RGS14: variants seen among roughly 807,000 people sequenced by gnomAD.
RGS14 encodes regulator of G protein signaling 14.
Under a neutral mutation model 63.8 loss-of-function variants are expected in RGS14, and 33 were observed. The ratio of observed to expected loss-of-function variants is 0.52; its 90% confidence interval spans 0.39 to 0.69. RGS14 has a LOEUF of 0.69. Ranked by LOEUF, RGS14 falls within the 30% of genes least tolerant of loss-of-function variation. The pLI, the probability that RGS14 is intolerant of heterozygous loss-of-function variation, is 0.00. For missense variants in RGS14, 739 were observed against 742.9 expected, an observed-to-expected ratio of 0.99 and a Z score of 0.06; for synonymous variants, 296 against 320.9, an observed-to-expected ratio of 0.92 and a Z score of 0.83.
In RGS14 at chr5:177,372,018, A is replaced by G. The variant is rs1163392426; in HGVS notation, c.1644A>G (p.Lys548=). 2 of 1,614,086 alleles carry G rather than the reference A, an allele frequency of 1.2e-6. No homozygotes were observed. Among genetic ancestry groups the G allele is most frequent in the East Asian group, 4.5e-5 (2 of 44,868 alleles). ...PSSEETPPQT[K]SAAQPIGGSL... ...CCGAGGAGACCCCACCACAGACCAA[A>G]TCAGCAGCCCAGCCCATCGGGGGAT... Residue 548 remains lysine (K), a synonymous_variant, in exon 15 of 15, where the codon AAA becomes AAG. Transcript: ENST00000408923.
rs1019786961 is a variant in RGS14 at position 177,358,607 on chromosome 5, G to A, written c.45+538G>A. ...AGCAGGGTCAGACTAGGTTGATGCAGCTTCTGCCTGTTCTATTCCTGAGCT... is the reference window on the plus strand; with the variant it reads ...AGCAGGGTCAGACTAGGTTGATGCAACTTCTGCCTGTTCTATTCCTGAGCT... On this transcript the variant is annotated intron_variant, in intron 1 of 14. Coordinates refer to ENST00000408923, the MANE Select transcript of RGS14 (RefSeq NM_006480.5). The surrounding 1 kb of genome is among the most constrained non-coding windows in gnomAD (Gnocchi z 4.8). Among the ~76,000 whole-genome samples, 2 of 152,222 alleles carry A rather than the reference G, an allele frequency of 1.3e-5. No individual in the cohort carries two copies. Among genetic ancestry groups the A allele is most frequent in the Non-Finnish European group, 2.9e-5 (2 of 68,034 alleles).
chr5:177,358,649 C>T lies in RGS14; in HGVS notation c.45+580C>T, dbSNP rs927658336. Among the ~76,000 whole-genome samples the T allele has an allele frequency of 1.3e-5, 2 of 152,220 alleles. No homozygotes were observed. The highest frequency in any genetic ancestry group is 2.9e-5 in the Non-Finnish European group (2 of 68,028). ...TCCTGAGCTTCCAGGAAGGGCTGAG[C>T]ACTAAGATCCCCCTGGCTGCAGCTG... On this transcript the variant is annotated intron_variant, in intron 1 of 14. Transcript: ENST00000408923. The surrounding 1 kb of genome is among the most constrained non-coding windows in gnomAD (Gnocchi z 4.8).
At chr5:177,366,676 C>G in intron 3 of RGS14, 32 bp from the exon 4 acceptor site, 3 of 1,603,180 alleles carry the variant, frequency 1.9e-6, no homozygotes, top group Non-Finnish European at 2.6e-6. Flanking sequence ...GTCTCTGAGT[C>G]TCTGCCTGCC....
chr5:177,370,774 G>T, intron 10 of RGS14, 110 bp downstream of exon 10: 1 of 1,507,328 alleles, frequency 6.6e-7, no homozygotes, highest in Non-Finnish European at 9.0e-7. Context: ...CCCGCCCCTG[G>T]GACAAACCCC....
At chr5:177,368,536 G>A (rs949446968) in intron 8 of RGS14, among the ~76,000 whole-genome samples, 181 bp from the exon 9 acceptor site, 10 of 152,246 alleles carry the variant, frequency 6.6e-5, no homozygotes, top group South Asian at 2.1e-4. Flanking sequence ...GGGTGGACCC[G>A]TCTCTAGGTG....
chr5:177,370,864 G>T lies in RGS14; in HGVS notation c.1128-41G>T, dbSNP rs752882578. 15 of 1,555,464 alleles carry T rather than the reference G, an allele frequency of 9.6e-6. No homozygotes were observed. The East Asian group carries it at 2.5e-4, about 26-fold the overall frequency. On this transcript the variant is annotated intron_variant, in intron 10 of 14. Transcript: ENST00000408923. ...TGTCCTGGGAAGGGTTTGGCGGGGG[G>T]CCGGCCCTCCGGCCCTCTGCTGCCC...
intron 5 of RGS14, 34 bp downstream of exon 5, chr5:177,367,068 G>C (rs1457827428): frequency 1.9e-6 from 3 of 1,580,150 alleles, no homozygotes; most frequent in South Asian, 2.3e-5. Flanking sequence ...CCTTGAAAGG[G>C]AGACAAAAGG....
chr5:177,361,570 G>A (rs1422913043), intron 1 of RGS14, among the ~76,000 whole-genome samples: 2 of 152,118 alleles, frequency 1.3e-5, no homozygotes, highest in African/African-American at 2.4e-5. Context: ...TCTCAGTTCT[G>A]CCACATCTCA....
Position 177,368,722 on chromosome 5 carries a change from C to T in RGS14, c.855C>T (p.His285=). 1 of 1,614,044 alleles carries T rather than the reference C, an allele frequency of 6.2e-7. No individual in the cohort carries two copies. The highest frequency in any genetic ancestry group is 8.5e-7 in the Non-Finnish European group (1 of 1,179,952). Reference sequence around the variant, plus strand: ...CCACTCCTGCCATGAATCAGAGCCACCGGAAGAGCCTTGGGAGCACGGAGG... The same window carrying T: ...CCACTCCTGCCATGAATCAGAGCCATCGGAAGAGCCTTGGGAGCACGGAGG... ...LAFVSSKSES[H]RKSLGSTEGE... is the part of the protein sequence containing the mutation. The change falls in exon 9 of 15, where the codon CAC becomes CAT. Residue 285 remains histidine, a synonymous_variant. Coordinates refer to ENST00000408923, the MANE Select transcript of RGS14 (RefSeq NM_006480.5).
In RGS14 at chr5:177,367,436, A is replaced by G; in HGVS notation, c.506A>G (p.Asp169Gly). Residue 169 changes from aspartate to glycine, a missense_variant, in exon 6 of 15, where the codon GAC becomes GGC. Physicochemically the swap from Asp to Gly is moderately conservative, Grantham distance 94. Transcript: ENST00000408923. ...QLQIFNLMKF[D>G]SYARFVKSPL... ...CAGATCTTCAACTTGATGAAGTTCG[A>G]CAGCTATGCGCGCTTCGTCAAGTCC... is the stretch of plus-strand genomic sequence containing the variant. The G allele has an allele frequency of 6.2e-7, 1 of 1,609,400 alleles. No individual in the cohort carries two copies. Among genetic ancestry groups the G allele is most frequent in the Non-Finnish European group, 8.5e-7 (1 of 1,177,386 alleles).
At chr5:177,360,590 A>AT (rs1761941801) in intron 1 of RGS14, among the ~76,000 whole-genome samples, 1 of 132,732 alleles carries the variant, frequency 7.5e-6, no homozygotes, top group Non-Finnish European at 1.6e-5. Flanking sequence ...AAAAAAAAAA[A>AT]GATGGAAGGA....
chr5:177,366,519 T>C, intron 3 of RGS14, 164 bp downstream of exon 3: 1 of 798,062 alleles, frequency 1.3e-6, no homozygotes, highest in Admixed American at 2.7e-5. Flanking sequence ...TCCTTCTCCC[T>C]GTCCTTGTCT....
rs1762282259 is a variant in RGS14, at chr5:177,371,925, G to C, written c.1551G>C (p.Arg517Ser). Residue 517 changes from arginine (R) to serine (S), a missense_variant, in exon 15 of 15, where the codon AGG becomes AGC. Transcript: ENST00000408923. The surrounding 1 kb of genome is among the most constrained non-coding windows in gnomAD (Gnocchi z 6.1). Reference protein sequence around the residue: ...RVQSSGAHDQRGLLRKEDLVL... With the variant: ...RVQSSGAHDQSGLLRKEDLVL... ...AGAGCAGCGGGGCCCACGACCAGAGGGGCCTTCTGAGGAAAGAGGACCTGG... is the reference window on the plus strand; with the variant it reads ...AGAGCAGCGGGGCCCACGACCAGAGCGGCCTTCTGAGGAAAGAGGACCTGG... 1 of 1,613,950 alleles carries C rather than the reference G, an allele frequency of 6.2e-7. No individual in the cohort carries two copies. The highest frequency in any genetic ancestry group is 8.5e-7 in the Non-Finnish European group (1 of 1,179,996).
rs1347819590 is a variant in RGS14, at chr5:177,371,119, G to A, written c.1255-46G>A. On this transcript the variant is annotated intron_variant, in intron 11 of 14. Coordinates refer to ENST00000408923, the MANE Select transcript of RGS14 (RefSeq NM_006480.5). The surrounding 1 kb of genome is among the most constrained non-coding windows in gnomAD (Gnocchi z 6.1). ...GGGCCGGGGCCGGGGCCGGGGCCGG[G>A]GCCGGGCGGAGGCCTGTACCGCGGG... The A allele has an allele frequency of 2.7e-6, 4 of 1,459,654 alleles. No homozygotes were observed. The highest frequency in any genetic ancestry group is 3.7e-6 in the Non-Finnish European group (4 of 1,091,670). 90.4% of individuals were successfully genotyped at this position (1,459,654 alleles called of 1,614,324 possible).
Position 177,371,639 on chromosome 5 carries a change from G to T in RGS14, c.1498+50G>T. On this transcript the variant is annotated intron_variant, in intron 14 of 14. Coordinates refer to ENST00000408923, the MANE Select transcript of RGS14 (RefSeq NM_006480.5). This position sits in a 1 kb window ranked among gnomAD's most constrained non-coding sequence, Gnocchi z 6.1. ...CAGAAAGACTAGGGCAGTGGGGTTGGGGACCATTCAGGGTGGCATCAGAGA... is the reference window on the plus strand; with the variant it reads ...CAGAAAGACTAGGGCAGTGGGGTTGTGGACCATTCAGGGTGGCATCAGAGA... 1 of 1,564,870 alleles carries T rather than the reference G, an allele frequency of 6.4e-7. No individual in the cohort carries two copies. The highest frequency in any genetic ancestry group is 8.8e-7 in the Non-Finnish European group (1 of 1,135,974).
Position 177,366,947 on chromosome 5 carries a change from C to T in RGS14, c.396C>T (p.Ser132=). 2 of 1,614,028 alleles carry T rather than the reference C, an allele frequency of 1.2e-6. No individual in the cohort carries two copies. Among genetic ancestry groups the T allele is most frequent in the Non-Finnish European group, 1.7e-6 (2 of 1,180,006 alleles). ...YQEFLSSQAL[S]PVNIDRQAWL... is the part of the protein sequence containing the mutation. ...AGTTCCTGTCCAGCCAGGCGCTGAG[C>T]CCAGTGAACATCGACCGTCAGGCCT... Residue 132 remains serine, a synonymous_variant, in exon 5 of 15, where the codon AGC becomes AGT. Transcript: ENST00000408923.
chr5:177,367,200 G>C, intron 5 of RGS14, 166 bp downstream of exon 5: 2 of 1,112,296 alleles, frequency 1.8e-6, no homozygotes, highest in Non-Finnish European at 2.5e-6. Context: ...GGCGGTATCA[G>C]AGGCACGGGG....
Position 177,366,914 on chromosome 5 carries a change from C to T in RGS14, c.363C>T (p.Ile121=), listed in dbSNP as rs762316004. Residue 121 remains isoleucine, a synonymous_variant, in exon 5 of 15, where the codon ATC becomes ATT. Transcript: ENST00000408923. ...TQQLAQEARN[I]YQEFLSSQAL... ...AGCTAGCTCAGGAGGCCCGCAACATCTACCAGGAGTTCCTGTCCAGCCAGG... is the reference window on the plus strand; with the variant it reads ...AGCTAGCTCAGGAGGCCCGCAACATTTACCAGGAGTTCCTGTCCAGCCAGG... The T allele has an allele frequency of 8.1e-6, 13 of 1,613,828 alleles. No homozygotes were observed. The South Asian group carries it at 1.4e-4, about 18-fold the overall frequency.
chr5:177,360,397 G>A (rs1761935425), intron 1 of RGS14, among the ~76,000 whole-genome samples: 1 of 151,782 alleles, frequency 6.6e-6, no homozygotes, highest in Non-Finnish European at 1.5e-5. Context: ...AACATAGTGA[G>A]GACCCATCTT....
Sources: allele counts gnomAD v4.1 joint callset (sites outside exome capture counted in the v4.1 genomes callset), GRCh38; gene constraint gnomAD v4.1.1; non-coding constraint Gnocchi (gnomAD v3.1); transcripts MANE v1.5; gene names NCBI Gene and HGNC (gene_info 2026-07-23, HGNC 2026-07-21).